Variants in CYP4B1 observed in about 807,000 individuals in gnomAD.
CYP4B1 encodes the protein cytochrome P450 family 4 subfamily B member 1, also known as cytochrome P450 4B1.
In CYP4B1, 45 loss-of-function variants were observed where a neutral mutation model predicts 54.0. That is an observed-to-expected ratio of 0.83 (90% CI 0.66 to 1.07). CYP4B1 has a LOEUF of 1.07. Among genes scored for constraint, CYP4B1 ranks in the 50% least tolerant of loss-of-function variants. The probability of loss-of-function intolerance (pLI) is 0.00; values close to 1 mark genes in which losing one functional copy is unlikely to be tolerated. For missense variants in CYP4B1, 656 were observed against 655.4 expected (o/e 1.00, Z -0.01); for synonymous variants, 248 against 247.5 (o/e 1.00, Z -0.02).
At chr1:46,813,861 C>T (rs1160719583) in intron 5 of CYP4B1, 48 bp from the exon 6 acceptor site, 17 of 1,600,894 alleles carry the variant, frequency 1.1e-5, no homozygotes, top group Non-Finnish European at 1.5e-5. Context: ...TCTGGCTCTG[C>T]TCCTGGGCCA....
At chr1:46,817,768 G>A (rs753004139) in intron 9 of CYP4B1, among the ~76,000 whole-genome samples, 197 bp from the exon 10 acceptor site, 13 of 152,154 alleles carry the variant, frequency 8.5e-5, no homozygotes, top group Admixed American at 3.3e-4. Context: ...ACCCAGTGCC[G>A]GGATTACAGG....
chr1:46,805,330 A>T (rs1678815889), intron 1 of CYP4B1, among the ~76,000 whole-genome samples: 1 of 152,254 alleles, frequency 6.6e-6, no homozygotes, highest in Non-Finnish European at 1.5e-5. Flanking sequence ...GGCAGAGCAC[A>T]GGCTTTGGAA....
At chr1:46,811,296 G>C (rs1280653851) in intron 3 of CYP4B1, 112 bp downstream of exon 3, 1 of 1,146,000 alleles carries the variant, frequency 8.7e-7, no homozygotes, top group Non-Finnish European at 1.3e-6. Context: ...CTAGTTCTCG[G>C]GTGCCCATCC....
At chr1:46,815,007 T>C (rs1264355608) in intron 7 of CYP4B1, 67 bp from the exon 8 acceptor site, 1 of 1,422,266 alleles carries the variant, frequency 7.0e-7, no homozygotes, top group Non-Finnish European at 9.9e-7. Context: ...ACAACCACCA[T>C]TATGAGTTCT....
intron 9 of CYP4B1, 133 bp from the exon 10 acceptor site, chr1:46,817,832 C>T (rs992702218): frequency 1.9e-5 from 14 of 744,436 alleles, no homozygotes; most frequent in Admixed American, 7.9e-5. Context: ...TGGTCATGAA[C>T]GCTCTGTCAC....
At chr1:46,815,470 C>T (rs1005593609) in intron 8 of CYP4B1, 1 of 442,128 alleles carries the variant, frequency 2.3e-6, no homozygotes, top group Non-Finnish European at 4.0e-6. Context: ...CAAAATGGAG[C>T]CTTTCAGAAG....
intron 8 of CYP4B1, among the ~76,000 whole-genome samples, chr1:46,816,615 T>C (rs1252510278): frequency 2.5e-5 from 3 of 118,256 alleles, no homozygotes. Flanking sequence ...CTTCACCTCA[T>C]TAAATAATGC....
At position 46,818,778 on chromosome 1, in the gene CYP4B1, C is replaced by A. The variant is rs1355353251; in HGVS notation, c.1503C>A (p.Leu501=). ...LVLRSKNGFH[L]HLKPLGPGSG... is the part of the protein sequence containing the mutation. ...TGCGCTCCAAGAATGGCTTTCACCT[C>A]CACCTGAAGCCACTGGGCCCTGGGT... Residue 501 remains leucine, a synonymous_variant, in exon 12 of 12, where the codon CTC becomes CTA. Coordinates refer to ENST00000371923, the MANE Select transcript of CYP4B1 (RefSeq NM_001099772.2). 6.2e-7 allele frequency: 1 copy of A among 1,614,130 alleles called. No individual in the cohort carries two copies. Among genetic ancestry groups the A allele is most frequent in the Admixed American group, 1.7e-5 (1 of 60,020 alleles).
chr1:46,817,410 C>T (rs1410084166), intron 9 of CYP4B1: 3 of 575,900 alleles, frequency 5.2e-6, no homozygotes, highest in East Asian at 3.0e-5. Context: ...TGTTTCTAGG[C>T]TGCTGTCAGG....
At chr1:46,812,197 T>C (rs900482653) in intron 3 of CYP4B1, 1 of 542,240 alleles carries the variant, frequency 1.8e-6, no homozygotes, top group Middle Eastern at 2.8e-4. Flanking sequence ...GTCCTTTGTC[T>C]CACATCTGGC....
intron 2 of CYP4B1, 87 bp downstream of exon 2, chr1:46,811,036 G>T: frequency 6.2e-7 from 1 of 1,601,750 alleles, no homozygotes. Context: ...GGAAGCCTGG[G>T]CCTGTGTACT....
Position 46,817,184 on chromosome 1 carries a change from G to A in CYP4B1, c.1207+3G>A, listed in dbSNP as rs1174557917. 6.2e-7 allele frequency: 1 copy of A among 1,614,080 alleles called. No homozygotes were observed. On this transcript the variant is annotated splice_donor_region_variant and intron_variant, in intron 9 of 11. Transcript: ENST00000371923. ...GGATGGCCGGTCTCTACCTGCAGGT[G>A]GGATGGGTGGATTTGGGGGTGGAAA... is the stretch of plus-strand genomic sequence containing the variant.
At chr1:46,802,881 A>C (rs1245946823) in intron 1 of CYP4B1, among the ~76,000 whole-genome samples, 1 of 152,350 alleles carries the variant, frequency 6.6e-6, no homozygotes, top group East Asian at 1.9e-4. Flanking sequence ...TGGAGGTAGA[A>C]ACCTGTGGCA....
intron 1 of CYP4B1, among the ~76,000 whole-genome samples, chr1:46,805,913 AG>A (rs1293109373): frequency 1.3e-5 from 2 of 152,166 alleles, no homozygotes; most frequent in Non-Finnish European, 2.9e-5. Flanking sequence ...AGGGCACCTA[AG>A]GGTGTCCATC....
chr1:46,803,686 G>A (rs2148396521), intron 1 of CYP4B1, among the ~76,000 whole-genome samples: 1 of 152,322 alleles, frequency 6.6e-6, no homozygotes, highest in Middle Eastern at 3.4e-3. Context: ...TTCCGTGGCA[G>A]AGTCTCCTCC....
At chr1:46,807,515 A>G (rs1490194950) in intron 1 of CYP4B1, among the ~76,000 whole-genome samples, 1 of 152,204 alleles carries the variant, frequency 6.6e-6, no homozygotes, top group African/African-American at 2.4e-5. Flanking sequence ...GAAAAATAAG[A>G]CAGACACCAG....
chr1:46,810,288 T>C (rs1679044792), intron 1 of CYP4B1, among the ~76,000 whole-genome samples: 1 of 152,196 alleles, frequency 6.6e-6, no homozygotes, highest in Non-Finnish European at 1.5e-5. Context: ...TACTTAATTG[T>C]CTACTTGTCT....
intron 9 of CYP4B1, 145 bp downstream of exon 9, chr1:46,817,326 A>G (rs551894503): frequency 1.1e-6 from 1 of 883,990 alleles, no homozygotes; most frequent in Admixed American, 2.8e-5. Context: ...CCAGCCCCAC[A>G]ACATATTGAT....
At chr1:46,816,786 G>A (rs1308091791) in intron 8 of CYP4B1, among the ~76,000 whole-genome samples, 1 of 152,152 alleles carries the variant, frequency 6.6e-6, no homozygotes, top group African/African-American at 2.4e-5. Context: ...ATGGCTGGGT[G>A]CACCTTCATC....
Sources: allele counts gnomAD v4.1 joint callset (sites outside exome capture counted in the v4.1 genomes callset), GRCh38; gene constraint gnomAD v4.1.1; transcripts MANE v1.5; gene names NCBI Gene and HGNC (gene_info 2026-07-23, HGNC 2026-07-21).